CSMD1: variants seen among roughly 807,000 people sequenced by gnomAD.
The protein encoded by CSMD1 is CUB and sushi domain-containing protein 1.
Under a neutral mutation model 417.5 loss-of-function variants are expected in CSMD1, and 213 were observed. The observed-to-expected ratio is 0.51, with a 90% CI of 0.46 to 0.57. The LOEUF is 0.57. CSMD1 is among the 20% of genes least tolerant of loss of function. The pLI is 0.00. For missense variants in CSMD1, 6,923 were observed against 4,529.7 expected, an observed-to-expected ratio of 1.53 and a Z score of -15.17; for synonymous variants, 2,862 against 1,736.8, an observed-to-expected ratio of 1.65 and a Z score of -16.11.
chr8:4,702,686 C>T (rs1332668288), intron 1 of CSMD1, among the ~76,000 whole-genome samples: 1 of 152,090 alleles, frequency 6.6e-6, no homozygotes, highest in East Asian at 1.9e-4. Context: ...ACTAATACAA[C>T]CGTATTTCTA....
chr8:4,938,555 C>T (rs537049678), intron 1 of CSMD1, among the ~76,000 whole-genome samples: 2 of 152,214 alleles, frequency 1.3e-5, no homozygotes, highest in East Asian at 3.9e-4. Context: ...AGGGATATTC[C>T]CTGCCCTCAC....
intron 21 of CSMD1, among the ~76,000 whole-genome samples, chr8:3,354,735 T>C (rs1464544082): frequency 6.6e-6 from 1 of 151,480 alleles, no homozygotes; most frequent in Non-Finnish European, 1.5e-5. Flanking sequence ...TTCAATTTTT[T>C]AACCCAAAAT....
At chr8:4,040,946 G>A (rs931661154) in intron 3 of CSMD1, among the ~76,000 whole-genome samples, 1 of 150,904 alleles carries the variant, frequency 6.6e-6, no homozygotes, top group Non-Finnish European at 1.5e-5. Context: ...TAATCTTATG[G>A]TCTTACATTT....
chr8:3,280,461 A>T (rs1173988612), intron 26 of CSMD1, among the ~76,000 whole-genome samples: 1 of 152,138 alleles, frequency 6.6e-6, no homozygotes, highest in Middle Eastern at 3.2e-3. Context: ...TTTCCTTTCA[A>T]TAAACTTCTA....
At chr8:4,829,347 G>T (rs114470449) in intron 1 of CSMD1, among the ~76,000 whole-genome samples, 277 of 152,212 alleles carry the variant, frequency 1.8e-3, no homozygotes, top group African/African-American at 6.3e-3. Flanking sequence ...TACATTACGT[G>T]TCTATACTGG....
chr8:3,216,057 A>G (rs1797864450), intron 29 of CSMD1, among the ~76,000 whole-genome samples: 1 of 148,952 alleles, frequency 6.7e-6, no homozygotes. Flanking sequence ...ATTAATATAT[A>G]TTATATATAT....
intron 1 of CSMD1, among the ~76,000 whole-genome samples, chr8:4,878,193 A>T (rs1373556861): frequency 6.6e-6 from 1 of 152,082 alleles, no homozygotes; most frequent in African/African-American, 2.4e-5. Flanking sequence ...TGGTTCTTAA[A>T]ATCACTCACA....
intron 3 of CSMD1, among the ~76,000 whole-genome samples, chr8:4,204,355 G>C (rs1247535069): frequency 6.6e-6 from 1 of 151,748 alleles, no homozygotes; most frequent in Non-Finnish European, 1.5e-5. Context: ...ACTTCTAGGT[G>C]AGCAAACTGA....
chr8:3,664,800 G>C (rs1288168175), intron 7 of CSMD1, among the ~76,000 whole-genome samples: 2 of 152,164 alleles, frequency 1.3e-5, no homozygotes, highest in Admixed American at 6.5e-5. Flanking sequence ...TGTACACAAA[G>C]CTATCAAGAG....
chr8:3,731,720 C>G (rs1461370929), intron 6 of CSMD1, among the ~76,000 whole-genome samples: 1 of 152,104 alleles, frequency 6.6e-6, no homozygotes, highest in African/African-American at 2.4e-5. Context: ...GCTTAGAGCA[C>G]AGAATTTACA....
In CSMD1 at chr8:3,575,078, T is replaced by C. The variant is rs143933213; in HGVS notation, c.1223-12A>G. 878 of 1,610,894 alleles carry C rather than the reference T, an allele frequency of 5.5e-4. 7 individuals carry two copies. The African/African-American group carries it at 0.01, about 19-fold the overall frequency. The stretch of plus-strand genomic sequence containing the variant: ...TCCACATGTTCTCGCTGGAAACACA[T>C]AGAAACGACGTTATTTTCTACAACA... On this transcript the variant is annotated splice_polypyrimidine_tract_variant and intron_variant, in intron 9 of 69. Transcript: ENST00000635120.
intron 2 of CSMD1, among the ~76,000 whole-genome samples, chr8:4,554,750 T>C (rs906163253): frequency 3.9e-5 from 6 of 152,362 alleles, no homozygotes; most frequent in Admixed American, 2.6e-4. Context: ...TCGAACTTTA[T>C]TGAGTGCTAG....
chr8:4,722,469 G>A (rs988171323), intron 1 of CSMD1, among the ~76,000 whole-genome samples: 1 of 152,116 alleles, frequency 6.6e-6, no homozygotes. Context: ...ACTGCAGTCT[G>A]AAGTCACTAT....
intron 5 of CSMD1, among the ~76,000 whole-genome samples, chr8:3,835,653 T>C (rs1455096386): frequency 1.3e-5 from 2 of 150,812 alleles, no homozygotes; most frequent in Non-Finnish European, 2.9e-5. Context: ...ATGGCACATG[T>C]ATACATATGT....
At chr8:4,150,937 C>T (rs1349720474) in intron 3 of CSMD1, among the ~76,000 whole-genome samples, 1 of 152,110 alleles carries the variant, frequency 6.6e-6, no homozygotes, top group East Asian at 1.9e-4. Context: ...TAATTACAGT[C>T]TGCAACGTCC....
Position 4,536,311 on chromosome 8 carries a change from G to A in CSMD1, c.302+101031C>T, listed in dbSNP as rs2130489582. ...TTAAAAAAAATCTAGTTTTCTCCCT[G>A]TTTTCAGCACACACAACTTCCCATT... is the stretch of plus-strand genomic sequence containing the variant. On this transcript the variant is annotated intron_variant, in intron 2 of 69. Coordinates refer to ENST00000635120, the MANE Select transcript of CSMD1 (RefSeq NM_033225.6). Among the ~76,000 whole-genome samples the A allele has an allele frequency of 1.3e-5, 2 of 152,016 alleles. 1 individual carries two copies. Among genetic ancestry groups the A allele is most frequent in the South Asian group, 4.2e-4 (2 of 4,814 alleles).
At position 3,708,394 on chromosome 8, in the gene CSMD1, T is replaced by C. The variant is rs572191545; in HGVS notation, c.1009+20A>G. The stretch of plus-strand genomic sequence containing the variant: ...TTACAAGGGCGTATCAATCCTCAGA[T>C]AGAAAGGAAAGGGACTCACAGACAG... On this transcript the variant is annotated intron_variant, in intron 7 of 69. Coordinates refer to ENST00000635120, the MANE Select transcript of CSMD1 (RefSeq NM_033225.6). 4.9e-5 allele frequency: 79 copies of C among 1,608,568 alleles called. 1 individual carries two copies. In the Middle Eastern group the frequency reaches 8.2e-4, roughly 17 times the overall value.
intron 6 of CSMD1, among the ~76,000 whole-genome samples, chr8:3,734,453 G>A (rs1448534618): frequency 3.3e-5 from 5 of 152,218 alleles, no homozygotes; most frequent in African/African-American, 4.8e-5. Context: ...GCTCACGCCT[G>A]TAATCCCAGC....
At chr8:3,755,121 T>G (rs1343244647) in intron 5 of CSMD1, among the ~76,000 whole-genome samples, 1 of 152,202 alleles carries the variant, frequency 6.6e-6, no homozygotes, top group Non-Finnish European at 1.5e-5. Flanking sequence ...ATAAAAGCAT[T>G]CCAAGATATT....
Sources: gnomAD v4.1 joint callset for allele counts (sites outside exome capture counted in the v4.1 genomes callset) on GRCh38, gnomAD v4.1.1 for gene constraint, MANE v1.5 for transcripts, NCBI Gene and HGNC (gene_info 2026-07-23, HGNC 2026-07-21) for gene names.